RBMS1: variants seen among roughly 807,000 people sequenced by gnomAD.
The protein encoded by RBMS1 is RNA binding motif single stranded interacting protein 1, also known as RNA-binding motif, single-stranded-interacting protein 1.
Under a neutral mutation model 62.3 loss-of-function variants are expected in RBMS1, and 17 were observed. That is an observed-to-expected ratio of 0.27 (90% CI 0.19 to 0.41). The LOEUF (loss-of-function observed/expected upper bound fraction) is 0.41, where lower values mean the gene tolerates loss of function less well. RBMS1 is among the 10% of genes least tolerant of loss of function. RBMS1 has a pLI of 1.00. For synonymous variants in RBMS1, 172 were observed against 170.0 expected (o/e 1.01, Z -0.09); for missense variants, 334 against 504.5 (o/e 0.66, Z 3.24).
intron 2 of RBMS1, among the ~76,000 whole-genome samples, chr2:160,345,441 C>T (rs1226596079): frequency 1.4e-5 from 2 of 144,590 alleles, no homozygotes; most frequent in East Asian, 3.9e-4. Context: ...GTGAGGAGAC[C>T]TGAAGTAGAG....
At chr2:160,458,457 T>C (rs1418983199) in intron 1 of RBMS1, among the ~76,000 whole-genome samples, 1 of 152,212 alleles carries the variant, frequency 6.6e-6, no homozygotes, top group Non-Finnish European at 1.5e-5. Flanking sequence ...TAGTAAAAAT[T>C]GTTGGTCACA....
At chr2:160,318,818 C>A (rs566933529) in intron 2 of RBMS1, among the ~76,000 whole-genome samples, 5 of 152,316 alleles carry the variant, frequency 3.3e-5, no homozygotes, top group African/African-American at 1.2e-4. Context: ...TTCATAAATA[C>A]ACTTATTTAC....
At chr2:160,332,624 GCTTA>G (rs1691343691) in intron 2 of RBMS1, among the ~76,000 whole-genome samples, 1 of 152,068 alleles carries the variant, frequency 6.6e-6, no homozygotes, top group East Asian at 1.9e-4. Context: ...TTTGTTCAGG[GCTTA>G]CTTAACTTTG....
chr2:160,306,685 C>T (rs1336218152), intron 4 of RBMS1, among the ~76,000 whole-genome samples: 6 of 150,118 alleles, frequency 4.0e-5, no homozygotes, highest in Admixed American at 3.3e-4. Flanking sequence ...ACAAAGTGTC[C>T]ATGAATTCTT....
intron 2 of RBMS1, among the ~76,000 whole-genome samples, chr2:160,358,588 CA>C (rs1405945169): frequency 1.3e-5 from 2 of 151,914 alleles, no homozygotes; most frequent in African/African-American, 4.8e-5. Flanking sequence ...GGAACAAAAA[CA>C]TTTGGAAATC....
At position 160,443,415 on chromosome 2, in the gene RBMS1, G is replaced by T. The variant is rs112774399; in HGVS notation, c.75+49874C>A. Among the ~76,000 whole-genome samples the T allele has an allele frequency of 7.8e-3, 1,181 of 152,242 alleles. 8 individuals carry two copies. Among genetic ancestry groups the T allele is most frequent in the Admixed American group, 0.014 (213 of 15,306 alleles). On this transcript the variant is annotated intron_variant, in intron 1 of 13. Coordinates refer to ENST00000348849, the MANE Select transcript of RBMS1 (RefSeq NM_016836.4). Reference sequence around the variant, plus strand: ...CTCATGTTGAAATGTGATCTCCAATGTTGGCGATGCAGCCTGATGGGAGGT... The same window carrying T: ...CTCATGTTGAAATGTGATCTCCAATTTTGGCGATGCAGCCTGATGGGAGGT...
intron 1 of RBMS1, 73 bp downstream of exon 1, chr2:160,493,216 T>C: frequency 7.1e-7 from 1 of 1,415,464 alleles, no homozygotes; most frequent in Non-Finnish European, 9.8e-7. Flanking sequence ...CGCGCCCCCC[T>C]CCCCAGGCCT....
intron 2 of RBMS1, among the ~76,000 whole-genome samples, chr2:160,341,290 T>C (rs1258757398): frequency 2.0e-5 from 3 of 152,180 alleles, no homozygotes; most frequent in Admixed American, 6.6e-5. Context: ...TTCCAATGTT[T>C]TGGTATTACA....
chr2:160,272,603 C>T lies in RBMS1; in HGVS notation c.*2169G>A, dbSNP rs1385449709. The T allele has an allele frequency of 2.0e-5, 3 of 151,838 alleles. No homozygotes were observed. The highest frequency in any genetic ancestry group is 1.5e-5 in the Non-Finnish European group (1 of 67,992). 9.4% of individuals were successfully genotyped at this position (151,838 alleles called of 1,614,324 possible). On this transcript the variant is annotated 3_prime_UTR_variant, in exon 14 of 14. Transcript: ENST00000348849. ...TCTAACCGAGCTATCAAATTTCTGT[C>T]TTAACTAATGCAAAAATATCAAGTA...
rs555603654 is a variant in RBMS1 at position 160,393,258 on chromosome 2, G to C, written c.76-25867C>G. Among the ~76,000 whole-genome samples, 8 of 152,272 alleles carry C rather than the reference G, an allele frequency of 5.3e-5. No individual in the cohort carries two copies. In the South Asian group the frequency reaches 1.7e-3, roughly 32 times the overall value. ...ACTGTAGCATGTCAGCTGCAAATCA[G>C]ACATGTTCTTACTAGGCATTTCTTA... On this transcript the variant is annotated intron_variant, in intron 1 of 13. Coordinates refer to ENST00000348849, the MANE Select transcript of RBMS1 (RefSeq NM_016836.4).
intron 1 of RBMS1, among the ~76,000 whole-genome samples, chr2:160,406,467 A>G (rs928214279): frequency 2.0e-5 from 3 of 152,360 alleles, no homozygotes; most frequent in Admixed American, 1.3e-4. Flanking sequence ...TTTTGGGATA[A>G]TAACTTAATT....
intron 1 of RBMS1, among the ~76,000 whole-genome samples, chr2:160,488,993 G>A (rs1481185679): frequency 6.6e-6 from 1 of 152,106 alleles, no homozygotes; most frequent in African/African-American, 2.4e-5. Flanking sequence ...TAAACTCAAA[G>A]CCAAGATTGC....
intron 1 of RBMS1, among the ~76,000 whole-genome samples, chr2:160,368,471 T>A (rs1332864996): frequency 6.6e-6 from 1 of 152,046 alleles, no homozygotes; most frequent in African/African-American, 2.4e-5. Flanking sequence ...ACAAATCAAA[T>A]CCCACAGTGG....
chr2:160,375,908 A>G (rs566772822), intron 1 of RBMS1, among the ~76,000 whole-genome samples: 119 of 151,950 alleles, frequency 7.8e-4, no homozygotes, highest in Non-Finnish European at 1.4e-3. Flanking sequence ...AAAAAAAAAA[A>G]AAAGAAAGAA....
chr2:160,312,218 T>C (rs1689964979), intron 4 of RBMS1, among the ~76,000 whole-genome samples: 1 of 152,180 alleles, frequency 6.6e-6, no homozygotes, highest in Non-Finnish European at 1.5e-5. Context: ...GCATCATTAC[T>C]TTTGGAAGAG....
intron 1 of RBMS1, among the ~76,000 whole-genome samples, chr2:160,380,271 C>T (rs986248134): frequency 6.6e-6 from 1 of 152,026 alleles, no homozygotes; most frequent in African/African-American, 2.4e-5. Context: ...CAGCTCTCTG[C>T]CCACCCCCAC....
chr2:160,376,002 G>A (rs529722540), intron 1 of RBMS1, among the ~76,000 whole-genome samples: 2 of 152,040 alleles, frequency 1.3e-5, no homozygotes, highest in East Asian at 1.9e-4. Flanking sequence ...CACCCCAGTA[G>A]ATTTAGGATT....
intron 2 of RBMS1, among the ~76,000 whole-genome samples, chr2:160,321,201 T>G (rs996504910): frequency 3.9e-5 from 6 of 152,118 alleles, no homozygotes; most frequent in Non-Finnish European, 8.8e-5. Context: ...ATGCAAGCCA[T>G]GCCACACCCT....
intron 6 of RBMS1, among the ~76,000 whole-genome samples, chr2:160,292,754 TG>T (rs923756009): frequency 3.9e-5 from 6 of 152,224 alleles, no homozygotes. Flanking sequence ...GGCTGTAGGC[TG>T]GGTGTGATCG....
Sources: gnomAD v4.1 joint callset for allele counts (sites outside exome capture counted in the v4.1 genomes callset) on GRCh38, gnomAD v4.1.1 for gene constraint, MANE v1.5 for transcripts, NCBI Gene and HGNC (gene_info 2026-07-23, HGNC 2026-07-21) for gene names.